Variants in ENTREP2 observed in about 807,000 individuals in gnomAD.
The protein encoded by ENTREP2 is endosomal transmembrane epsin interactor 2.
chr15:29,528,835 C>G, the ENTREP2 span, among the ~76,000 whole-genome samples: 1 of 152,152 alleles, frequency 6.6e-6, no homozygotes, highest in African/African-American at 2.4e-5. Flanking sequence ...TGTCTAAACT[C>G]CATCCATCGC....
At chr15:29,546,900 AC>A in the ENTREP2 span, among the ~76,000 whole-genome samples, 10 of 50,300 alleles carry the variant, frequency 2.0e-4, no homozygotes, top group African/African-American at 1.4e-3. Context: ...AAAAAAAACA[AC>A]AACAAAAAAA....
At chr15:29,446,587 T>A in the ENTREP2 span, among the ~76,000 whole-genome samples, 3 of 152,114 alleles carry the variant, frequency 2.0e-5, no homozygotes, top group African/African-American at 4.8e-5. Flanking sequence ...GGGAGTGAGA[T>A]CATGGCTTTT....
At chr15:29,233,396 T>C in the ENTREP2 span, among the ~76,000 whole-genome samples, 1 of 152,224 alleles carries the variant, frequency 6.6e-6, no homozygotes, top group Non-Finnish European at 1.5e-5. Context: ...TGCATGATTT[T>C]ATGACAGATA....
chr15:29,128,704 G>A, the ENTREP2 span: 10 of 1,004,376 alleles, frequency 1.0e-5, no homozygotes, highest in East Asian at 2.1e-4. Flanking sequence ...GAGAAGAGAA[G>A]AGAAGAGAAT....
At chr15:29,466,528 G>A in the ENTREP2 span, among the ~76,000 whole-genome samples, 5 of 144,290 alleles carry the variant, frequency 3.5e-5, no homozygotes, top group South Asian at 2.2e-4. Flanking sequence ...AGGAGAGGAC[G>A]CTGCACCCCC....
the ENTREP2 span, among the ~76,000 whole-genome samples, chr15:29,270,685 T>C: frequency 6.6e-6 from 1 of 152,310 alleles, no homozygotes; most frequent in African/African-American, 2.4e-5. Flanking sequence ...GATTTATCTC[T>C]CATCTATGAT....
the ENTREP2 span, among the ~76,000 whole-genome samples, chr15:29,135,893 C>A: frequency 6.6e-6 from 1 of 152,184 alleles, no homozygotes; most frequent in Non-Finnish European, 1.5e-5. The surrounding 1 kb of genome is among the most constrained non-coding windows in gnomAD (Gnocchi z 7.4). Context: ...TCAAGACAGG[C>A]CGGGGCGCCC....
At chr15:29,649,628 G>A in the ENTREP2 span, among the ~76,000 whole-genome samples, 2 of 150,748 alleles carry the variant, frequency 1.3e-5, no homozygotes, top group Non-Finnish European at 2.9e-5. Flanking sequence ...GCTGAGGCAG[G>A]AGAATCGACT....
the ENTREP2 span, among the ~76,000 whole-genome samples, chr15:29,401,408 G>A: frequency 1.3e-5 from 2 of 152,118 alleles, no homozygotes; most frequent in Non-Finnish European, 2.9e-5. Flanking sequence ...AACAGAATGC[G>A]TAGACCTACT....
the ENTREP2 span, among the ~76,000 whole-genome samples, chr15:29,273,906 G>A: frequency 1.3e-5 from 2 of 152,164 alleles, no homozygotes; most frequent in Non-Finnish European, 2.9e-5. Flanking sequence ...CTACTTTTGA[G>A]GTTTTGGAAC....
chr15:29,261,929 A>C, the ENTREP2 span, among the ~76,000 whole-genome samples: 34 of 151,734 alleles, frequency 2.2e-4, no homozygotes, highest in African/African-American at 8.2e-4. Flanking sequence ...AATAAAAAAA[A>C]AAAGAACCAC....
At chr15:29,337,749 C>G in the ENTREP2 span, among the ~76,000 whole-genome samples, 1 of 152,120 alleles carries the variant, frequency 6.6e-6, no homozygotes, top group Non-Finnish European at 1.5e-5. Flanking sequence ...TATATTACGT[C>G]ATTCAGTTTT....
the ENTREP2 span, among the ~76,000 whole-genome samples, chr15:29,469,778 A>T: frequency 6.6e-5 from 10 of 151,078 alleles, no homozygotes; most frequent in East Asian, 2.0e-4. Flanking sequence ...TAATAAATTA[A>T]TTTTTTTTAA....
At chr15:29,598,687 TTTTC>T in the ENTREP2 span, among the ~76,000 whole-genome samples, 17 of 122,288 alleles carry the variant, frequency 1.4e-4, no homozygotes, top group Admixed American at 5.5e-4. Context: ...AAAATCTTTT[TTTTC>T]TTTCTTTCTT....
chr15:29,391,227 C>A, the ENTREP2 span, among the ~76,000 whole-genome samples: 1 of 151,900 alleles, frequency 6.6e-6, no homozygotes, highest in Non-Finnish European at 1.5e-5. Flanking sequence ...ATGCTTTCTG[C>A]CCCCTCTCCT....
At chr15:29,299,765 A>G in the ENTREP2 span, among the ~76,000 whole-genome samples, 1 of 152,240 alleles carries the variant, frequency 6.6e-6, no homozygotes, top group South Asian at 2.1e-4. Flanking sequence ...TGAGGCAGGT[A>G]TATTTTGTCT....
the ENTREP2 span, among the ~76,000 whole-genome samples, chr15:29,543,718 G>GC: frequency 6.6e-6 from 1 of 151,750 alleles, no homozygotes; most frequent in Non-Finnish European, 1.5e-5. Flanking sequence ...GGCAGAGGTT[G>GC]CAGTGAGCCA....
the ENTREP2 span, chr15:29,269,977 T>C: frequency 2.3e-3 from 963 of 414,942 alleles, 4 homozygotes; most frequent in Admixed American, 4.2e-3. Flanking sequence ...TACCAAACCA[T>C]GCAAACAGAG....
chr15:29,556,269 G>A, the ENTREP2 span, among the ~76,000 whole-genome samples: 174 of 152,154 alleles, frequency 1.1e-3, no homozygotes, highest in Non-Finnish European at 2.0e-3. Flanking sequence ...GGATCTCTCC[G>A]ACAGTTATCT....
Sources: allele counts gnomAD v4.1 joint callset (sites outside exome capture counted in the v4.1 genomes callset), GRCh38; gene constraint gnomAD v4.1.1; non-coding constraint Gnocchi (gnomAD v3.1); transcripts MANE v1.5; gene names NCBI Gene and HGNC (gene_info 2026-07-23, HGNC 2026-07-21).